MYZAP: variants seen among roughly 807,000 people sequenced by gnomAD.
MYZAP encodes the protein myocardial zonula adherens protein, also known as GRINL1A complex locus upstream.
Under a neutral mutation model 69.4 loss-of-function variants are expected in MYZAP, and 66 were observed. That is an observed-to-expected ratio of 0.95 (90% CI 0.78 to 1.17). The LOEUF (loss-of-function observed/expected upper bound fraction) is 1.17, where lower values mean the gene tolerates loss of function less well. MYZAP is among the 50% of genes most tolerant of loss of function. MYZAP has a pLI of 0.00. For synonymous variants in MYZAP, 256 were observed against 205.9 expected, an observed-to-expected ratio of 1.24 and a Z score of -2.09; for missense variants, 611 against 556.2, an observed-to-expected ratio of 1.10 and a Z score of -0.99.
chr15:57,672,869 C>T (rs1216017267), intron 11 of MYZAP, among the ~76,000 whole-genome samples: 1 of 152,146 alleles, frequency 6.6e-6, no homozygotes, highest in Non-Finnish European at 1.5e-5. Context: ...CAGATGTCCC[C>T]TCTGAGTTCC....
intron 2 of MYZAP, 132 bp from the exon 3 acceptor site, chr15:57,617,901 C>T (rs2035573051): frequency 7.9e-7 from 1 of 1,268,122 alleles, no homozygotes; most frequent in African/African-American, 1.5e-5. Context: ...ATTTTTGCTC[C>T]CTCCATCTCC....
chr15:57,628,757 G>C (rs1861013467), intron 5 of MYZAP, among the ~76,000 whole-genome samples: 1 of 152,126 alleles, frequency 6.6e-6, no homozygotes, highest in South Asian at 2.1e-4. Context: ...ATCCTGGCAG[G>C]CAGTCTAGAA....
chr15:57,666,720 A>C (rs2038588912), intron 11 of MYZAP, among the ~76,000 whole-genome samples: 1 of 152,108 alleles, frequency 6.6e-6, no homozygotes, highest in Non-Finnish European at 1.5e-5. Context: ...ACTAGGTACT[A>C]TGCTTATTAC....
intron 4 of MYZAP, 124 bp downstream of exon 4, chr15:57,621,824 A>T: frequency 1.2e-6 from 1 of 833,014 alleles, no homozygotes. Context: ...TTACATTTTA[A>T]ATAAACTGAG....
At chr15:57,643,633 G>GA (rs1202989874) in intron 10 of MYZAP, among the ~76,000 whole-genome samples, 1 of 152,052 alleles carries the variant, frequency 6.6e-6, no homozygotes, top group Non-Finnish European at 1.5e-5. Context: ...TGATCTTAAG[G>GA]AAAAAATCAA....
At chr15:57,638,798 C>A (rs566506562) in intron 9 of MYZAP, among the ~76,000 whole-genome samples, 4 of 152,294 alleles carry the variant, frequency 2.6e-5, no homozygotes, top group South Asian at 4.1e-4. Flanking sequence ...GATTCCAGAC[C>A]TTTTGGTATT....
At chr15:57,599,042 C>G (rs1450505917) in intron 1 of MYZAP, among the ~76,000 whole-genome samples, 1 of 152,190 alleles carries the variant, frequency 6.6e-6, no homozygotes, top group Non-Finnish European at 1.5e-5. Flanking sequence ...GTGCTTAATG[C>G]GTGCCAGAAA....
intron 10 of MYZAP, among the ~76,000 whole-genome samples, chr15:57,649,498 C>A (rs1396301034): frequency 6.6e-6 from 1 of 152,192 alleles, no homozygotes; most frequent in Non-Finnish European, 1.5e-5. Flanking sequence ...ATTCAAGTTT[C>A]CTCCTTTATG....
At chr15:57,629,600 C>A in intron 5 of MYZAP, 102 bp from the exon 6 acceptor site, 1 of 1,466,786 alleles carries the variant, frequency 6.8e-7, no homozygotes, top group South Asian at 1.4e-5. Flanking sequence ...CCTAGGACAG[C>A]TACCCCAGTG....
chr15:57,633,062 C>G (rs1164578551), intron 7 of MYZAP, among the ~76,000 whole-genome samples: 5 of 152,168 alleles, frequency 3.3e-5, no homozygotes, highest in Non-Finnish European at 5.9e-5. Context: ...TTATACCTGC[C>G]ATTAGAGTGG....
chr15:57,647,300 C>T, intron 10 of MYZAP: 1 of 985,354 alleles, frequency 1.0e-6, no homozygotes, highest in Non-Finnish European at 1.2e-6. Flanking sequence ...GACACAGATC[C>T]CCAGATACGA....
intron 10 of MYZAP, among the ~76,000 whole-genome samples, chr15:57,660,006 G>A (rs1196801848): frequency 2.6e-5 from 4 of 152,072 alleles, no homozygotes; most frequent in Admixed American, 6.6e-5. Flanking sequence ...ACATCAAAGC[G>A]AGTATACTGT....
At chr15:57,639,727 G>C (rs2037030546) in intron 10 of MYZAP, among the ~76,000 whole-genome samples, 182 bp downstream of exon 10, 2 of 152,220 alleles carry the variant, frequency 1.3e-5, no homozygotes, top group African/African-American at 4.8e-5. Flanking sequence ...TGACGATGAT[G>C]CCCCTAAAAG....
intron 1 of MYZAP, 121 bp from the exon 2 acceptor site, chr15:57,604,148 G>T: frequency 9.5e-7 from 1 of 1,057,424 alleles, no homozygotes; most frequent in South Asian, 1.5e-5. Context: ...GCTCCTGTAT[G>T]ATCAGGACAG....
chr15:57,658,904 T>C (rs1407678138), intron 10 of MYZAP, among the ~76,000 whole-genome samples: 1 of 152,208 alleles, frequency 6.6e-6, no homozygotes, highest in Non-Finnish European at 1.5e-5. Context: ...TCCTTGGCCA[T>C]TGATTAACTG....
intron 5 of MYZAP, among the ~76,000 whole-genome samples, chr15:57,628,097 C>G (rs1371356745): frequency 6.6e-6 from 1 of 152,126 alleles, no homozygotes; most frequent in East Asian, 1.9e-4. Flanking sequence ...GTGTTAGAAA[C>G]AGTGCCCAAC....
At chr15:57,609,356 G>C (rs1449738339) in intron 2 of MYZAP, among the ~76,000 whole-genome samples, 1 of 152,190 alleles carries the variant, frequency 6.6e-6, no homozygotes, top group Non-Finnish European at 1.5e-5. Context: ...AGGTGCTGGT[G>C]GTGCCTCCTC....
intron 9 of MYZAP, among the ~76,000 whole-genome samples, chr15:57,638,626 C>G (rs903096217): frequency 7.9e-5 from 12 of 152,074 alleles, no homozygotes; most frequent in Non-Finnish European, 1.5e-5. Flanking sequence ...CCCAGCGGCC[C>G]CAGAGAACTG....
At chr15:57,649,191 T>C (rs192765172) in intron 10 of MYZAP, among the ~76,000 whole-genome samples, 1 of 152,310 alleles carries the variant, frequency 6.6e-6, no homozygotes, top group Admixed American at 6.5e-5. Flanking sequence ...TACCAACATG[T>C]CTCCAGGCTT....
Sources: allele counts gnomAD v4.1 joint callset (sites outside exome capture counted in the v4.1 genomes callset), GRCh38; gene constraint gnomAD v4.1.1; transcripts MANE v1.5; gene names NCBI Gene and HGNC (gene_info 2026-07-23, HGNC 2026-07-21).